Variants in CDC25B observed in about 807,000 individuals in gnomAD.
The protein encoded by CDC25B is M-phase inducer phosphatase 2.
Under a neutral mutation model 69.8 loss-of-function variants are expected in CDC25B, and 33 were observed. The ratio of observed to expected loss-of-function variants is 0.47; its 90% CI spans 0.36 to 0.63. The LOEUF is 0.63. CDC25B is among the 30% of genes least tolerant of loss of function. The pLI, the probability that CDC25B is intolerant of heterozygous loss-of-function variation, is 0.00. For missense variants in CDC25B, 727 were observed against 809.1 expected (o/e 0.90, Z 1.23); for synonymous variants, 341 against 314.6 (o/e 1.08, Z -0.89).
rs2089058845 is a variant in CDC25B, at chr20:3,796,545, A to G, written c.14A>G (p.Gln5Arg). 6.7e-7 allele frequency: 1 copy of G among 1,482,444 alleles called. No homozygotes were observed. The highest frequency in any genetic ancestry group is 8.9e-7 in the Non-Finnish European group (1 of 1,124,030). The allele number at this position is 1,482,444 out of a possible 1,614,324, so 91.8% of individuals were successfully genotyped here. MEVPQPEPAPGSALS... is the reference protein window; with the variant it reads MEVPRPEPAPGSALS... ...GGCCCCGCCGCGATGGAGGTGCCCC[A>G]GCCGGAGCCCGCGCCAGGCTCGGCT... Residue 5 changes from glutamine (Q) to arginine (R), a missense_variant, in exon 1 of 16, where the codon CAG (glutamine) becomes CGG (arginine). By Grantham distance (43) the Gln-to-Arg change is conservative. Coordinates refer to ENST00000245960, the MANE Select transcript of CDC25B (RefSeq NM_021873.4).
Position 3,796,404 on chromosome 20 carries a change from CCTCCCTCCCTCCTT to C in CDC25B, c.-126_-113del. ...CCTCGCGCCTGGCCCTGTGGCTCTT[CCTCCCTCCCTCCTT>C]CCCCCCCCCCCCACCCCTCGCCCGC... On this transcript the variant is annotated 5_prime_UTR_variant, in exon 1 of 16. Coordinates refer to ENST00000245960, the MANE Select transcript of CDC25B (RefSeq NM_021873.4). 4.1e-6 allele frequency: 2 copies of C among 492,546 alleles called. No homozygotes were observed. Among genetic ancestry groups the C allele is most frequent in the Non-Finnish European group, 5.0e-6 (2 of 400,646 alleles). The allele number at this position is 492,546 out of a possible 1,614,324, so 30.5% of individuals were successfully genotyped here.
chr20:3,796,314 G>T lies in CDC25B; in HGVS notation c.-218G>T. The T allele has an allele frequency of 2.2e-6, 3 of 1,366,176 alleles. No individual in the cohort carries two copies. The highest frequency in any genetic ancestry group is 2.7e-4 in the Middle Eastern group (1 of 3,676). The allele number at this position is 1,366,176 out of a possible 1,614,324, so 84.6% of individuals were successfully genotyped here. On this transcript the variant is annotated 5_prime_UTR_variant, in exon 1 of 16. Transcript: ENST00000245960. Reference sequence around the variant, plus strand: ...GTGGAAGTGGCAGCTGCAACTAGAGGCTTCCCTGGCTGGTGCCTGAGCCCG... The same window carrying T: ...GTGGAAGTGGCAGCTGCAACTAGAGTCTTCCCTGGCTGGTGCCTGAGCCCG...
At chr20:3,800,643 T>G in intron 5 of CDC25B, 100 bp from the exon 6 acceptor site, 1 of 1,591,292 alleles carries the variant, frequency 6.3e-7, no homozygotes, top group Non-Finnish European at 8.6e-7. Flanking sequence ...GGTAGGTAAG[T>G]GGGAGGAGCT....
In CDC25B at chr20:3,796,489, C is replaced by T; in HGVS notation, c.-43C>T. On this transcript the variant is annotated 5_prime_UTR_variant, in exon 1 of 16. Transcript: ENST00000245960. ...GCTGTGCCGGCGTTTGTTGGCTGCCCTGCGCCCGGCCCTCCAGCCAGCCTT... is the reference window on the plus strand; with the variant it reads ...GCTGTGCCGGCGTTTGTTGGCTGCCTTGCGCCCGGCCCTCCAGCCAGCCTT... 1.5e-6 allele frequency: 2 copies of T among 1,345,300 alleles called. No homozygotes were observed. The highest frequency in any genetic ancestry group is 1.9e-6 in the Non-Finnish European group (2 of 1,037,090). 83.3% of individuals were successfully genotyped at this position (1,345,300 alleles called of 1,614,324 possible). A position where few individuals can be genotyped will look rare whatever the true frequency, so the allele number is the denominator to read the frequency against.
At chr20:3,799,170 T>C (rs966706005) in intron 3 of CDC25B, among the ~76,000 whole-genome samples, 3 of 152,174 alleles carry the variant, frequency 2.0e-5, no homozygotes, top group Non-Finnish European at 4.4e-5. Context: ...ACTGTGGCTT[T>C]GGGTTTAGGA....
At chr20:3,797,558 G>A in intron 1 of CDC25B, 64 bp from the exon 2 acceptor site, 1 of 1,593,110 alleles carries the variant, frequency 6.3e-7, no homozygotes. Flanking sequence ...GGGAACGTGG[G>A]CTAGCCAGGC....
rs200379310 is a variant in CDC25B, at chr20:3,804,685, C to T, written c.1602+5C>T. 7.6e-5 allele frequency: 105 copies of T among 1,381,802 alleles called. No individual in the cohort carries two copies. In the African/African-American group the frequency reaches 1.3e-3, roughly 18 times the overall value. The allele number at this position is 1,381,802 out of a possible 1,614,324, so 85.6% of individuals were successfully genotyped here. On this transcript the variant is annotated splice_donor_5th_base_variant and intron_variant, in intron 15 of 15. Transcript: ENST00000245960. ...GAGTTCTTCCCTCAGCACCCGGTAG[C>T]GTGGGTGGGGAAGGCCACAGTCTCT...
exon 1 of CDC25B, chr20:3,787,040 T>G (rs527563230): frequency 0.056 from 34,638 of 614,918 alleles, 1,265 homozygotes; most frequent in Non-Finnish European, 0.073. Context: ...GTTTTTTTTT[T>G]TTTTAATTAA....
chr20:3,787,506 T>A (rs906461267), intron 1 of CDC25B, among the ~76,000 whole-genome samples: 1 of 152,210 alleles, frequency 6.6e-6, no homozygotes, highest in African/African-American at 2.4e-5. Context: ...CATCTTGGTG[T>A]GTCACTTTCT....
chr20:3,799,502 G>C (rs2089187432), intron 3 of CDC25B, among the ~76,000 whole-genome samples: 1 of 112,098 alleles, frequency 8.9e-6, no homozygotes, highest in African/African-American at 4.3e-5. Flanking sequence ...GTGTGTGTGT[G>C]TGTGTGTGTG....
intron 11 of CDC25B, 42 bp from the exon 12 acceptor site, chr20:3,802,868 T>C: frequency 6.6e-7 from 1 of 1,519,790 alleles, no homozygotes; most frequent in Non-Finnish European, 9.1e-7. Context: ...TCTTACCAAT[T>C]TAACTTTCTC....
At chr20:3,800,550 G>A (rs1193695365) in intron 5 of CDC25B, 52 bp downstream of exon 5, 3 of 1,603,834 alleles carry the variant, frequency 1.9e-6, no homozygotes, top group Admixed American at 1.7e-5. Context: ...CCAGGCATGG[G>A]GTAGATGAGC....
chr20:3,790,498 C>CAAAA (rs113095369), intron 1 of CDC25B, among the ~76,000 whole-genome samples: 1 of 92,806 alleles, frequency 1.1e-5, no homozygotes. Flanking sequence ...AACTCTGTCT[C>CAAAA]AAAAAAAAAA....
Position 3,803,197 on chromosome 20 carries a change from G to A in CDC25B, c.1347G>A (p.Gly449=). ...GATACCCCTATGAATATGAAGGCGG[G>A]CACATCAAGGTAAGATGGGGCAATG... ...DCRYPYEYEG[G]HIKTAVNLPL... The change falls in exon 13 of 16, where the codon GGG becomes GGA. Residue 449 remains glycine, a synonymous_variant. Coordinates refer to ENST00000245960, the MANE Select transcript of CDC25B (RefSeq NM_021873.4). The surrounding 1 kb of genome is among the most constrained non-coding windows in gnomAD (Gnocchi z 4.9). 6.2e-7 allele frequency: 1 copy of A among 1,611,916 alleles called. No individual in the cohort carries two copies. The highest frequency in any genetic ancestry group is 8.5e-7 in the Non-Finnish European group (1 of 1,178,184).
chr20:3,799,454 C>T (rs1387593653), intron 3 of CDC25B, among the ~76,000 whole-genome samples: 2 of 151,996 alleles, frequency 1.3e-5, no homozygotes, highest in African/African-American at 4.8e-5. Flanking sequence ...CCTGCACCTG[C>T]TCTGACAGTT....
chr20:3,797,775 A>C, intron 2 of CDC25B, 26 bp downstream of exon 2: 1 of 1,612,542 alleles, frequency 6.2e-7, no homozygotes, highest in Non-Finnish European at 8.5e-7. Context: ...GCCTGGGGAG[A>C]TCTGCCTGTG....
chr20:3,796,016 C>T, upstream of CDC25B: 5 of 990,752 alleles, frequency 5.0e-6, no homozygotes, highest in Non-Finnish European at 6.0e-6. Flanking sequence ...CCTGCGGAGG[C>T]CACCCTAGGG....
At chr20:3,802,440 GC>G in intron 11 of CDC25B, 64 bp downstream of exon 11, 2 of 1,131,844 alleles carry the variant, frequency 1.8e-6, no homozygotes, top group Non-Finnish European at 2.6e-6. Context: ...GGGTCCTCTA[GC>G]CCAGGGGCTG....
chr20:3,793,117 C>A (rs1472035270), upstream of CDC25B, among the ~76,000 whole-genome samples: 3 of 152,052 alleles, frequency 2.0e-5, no homozygotes, highest in African/African-American at 7.2e-5. Flanking sequence ...ACAGTAATTT[C>A]ATGTTTCTTT....
Sources: gnomAD v4.1 joint callset for allele counts (sites outside exome capture counted in the v4.1 genomes callset) on GRCh38, gnomAD v4.1.1 for gene constraint, Gnocchi (gnomAD v3.1) non-coding constraint, MANE v1.5 for transcripts, NCBI Gene and HGNC (gene_info 2026-07-23, HGNC 2026-07-21) for gene names.